Variants in MINPP1 observed in about 807,000 individuals in gnomAD.
The protein encoded by MINPP1 is multiple inositol polyphosphate phosphatase 1.
A neutral mutation model predicts 46.1 loss-of-function variants in MINPP1; 28 were observed. The observed-to-expected ratio is 0.61, with a 90% CI of 0.45 to 0.83. The LOEUF (loss-of-function observed/expected upper bound fraction) is 0.83. Among genes scored for constraint, MINPP1 ranks in the 40% least tolerant of loss-of-function variants. The pLI is 0.00. For synonymous variants in MINPP1, 268 were observed against 249.1 expected, an observed-to-expected ratio of 1.08 and a Z score of -0.72; for missense variants, 603 against 610.0, an observed-to-expected ratio of 0.99 and a Z score of 0.12.
At chr10:87,525,266 G>T (rs1270985981) in intron 4 of MINPP1, among the ~76,000 whole-genome samples, 1 of 152,156 alleles carries the variant, frequency 6.6e-6, no homozygotes, top group Non-Finnish European at 1.5e-5. Flanking sequence ...TCTATATGCT[G>T]TGCCTTAGCA....
chr10:87,534,651 C>A (rs11202434), intron 4 of MINPP1, among the ~76,000 whole-genome samples: 17,087 of 152,030 alleles, frequency 0.11, 2,042 homozygotes, highest in East Asian at 0.31. Flanking sequence ...TCTGTGCTGA[C>A]CCCAACAGTA....
chr10:87,546,235 A>C (rs540242780), intron 4 of MINPP1, among the ~76,000 whole-genome samples: 1 of 152,266 alleles, frequency 6.6e-6, no homozygotes, highest in East Asian at 1.9e-4. Context: ...CAGGACCAAG[A>C]GTTCCTTCCC....
rs566716651 is a variant in MINPP1, at chr10:87,506,625, T to G, written c.637+1073T>G. 2.0e-5 allele frequency among the ~76,000 whole-genome samples: 3 copies of G among 152,312 alleles called. No individual in the cohort carries two copies. The East Asian group carries it at 5.8e-4, about 29-fold the overall frequency. ...TAGCCATTATGCTATACTGCCTCCA[T>G]TTGTCCAATAACATACCTAATAAGA... On this transcript the variant is annotated intron_variant, in intron 1 of 4. Coordinates refer to ENST00000371996, the MANE Select transcript of MINPP1 (RefSeq NM_004897.5).
At position 87,508,389 on chromosome 10, in the gene MINPP1, C is replaced by T; in HGVS notation, c.691C>T (p.His231Tyr). 6.2e-7 allele frequency: 1 copy of T among 1,612,768 alleles called. No homozygotes were observed. The highest frequency in any genetic ancestry group is 8.5e-7 in the Non-Finnish European group (1 of 1,179,652). The change falls in exon 2 of 5, where the codon CAC becomes TAC. Residue 231 changes from histidine to tyrosine, a missense_variant. By Grantham distance (83) the His-to-Tyr change is moderately conservative. Coordinates refer to ENST00000371996, the MANE Select transcript of MINPP1 (RefSeq NM_004897.5). ...TGATAAACTAATGAGATTTTTTGATCACTGTGAGAAGTTTTTAACTGAAGT... is the reference window on the plus strand; with the variant it reads ...TGATAAACTAATGAGATTTTTTGATTACTGTGAGAAGTTTTTAACTGAAGT... ...VNDKLMRFFD[H>Y]CEKFLTEVEK...
chr10:87,542,072 A>T (rs1431472074), intron 4 of MINPP1, among the ~76,000 whole-genome samples: 1 of 152,168 alleles, frequency 6.6e-6, no homozygotes, highest in Non-Finnish European at 1.5e-5. Flanking sequence ...GCATTAACTC[A>T]AAAGTCCCAA....
At chr10:87,526,115 C>G (rs1409755935) in intron 4 of MINPP1, among the ~76,000 whole-genome samples, 1 of 152,182 alleles carries the variant, frequency 6.6e-6, no homozygotes, top group Non-Finnish European at 1.5e-5. Context: ...GTTCTAGATC[C>G]TTGAGGAATC....
chr10:87,520,057 A>AGTGTATGTGTGT (rs1851477204), intron 3 of MINPP1, among the ~76,000 whole-genome samples: 1 of 147,364 alleles, frequency 6.8e-6, no homozygotes, highest in African/African-American at 2.5e-5. Flanking sequence ...TAAAAGGTAT[A>AGTGTATGTGTGT]GTGTGTGTGT....
At chr10:87,520,831 C>T (rs1364816958) in intron 3 of MINPP1, among the ~76,000 whole-genome samples, 1 of 152,008 alleles carries the variant, frequency 6.6e-6, no homozygotes, top group African/African-American at 2.4e-5. Flanking sequence ...CTACATTCCC[C>T]CAATCCAAAT....
At chr10:87,521,506 A>G (rs963187085) in intron 4 of MINPP1, among the ~76,000 whole-genome samples, 3 of 152,134 alleles carry the variant, frequency 2.0e-5, no homozygotes, top group Non-Finnish European at 4.4e-5. Flanking sequence ...TCTTTAAAAC[A>G]GTTTATATTA....
Position 87,552,610 on chromosome 10 carries a change from A to C in MINPP1, c.*132A>C. On this transcript the variant is annotated 3_prime_UTR_variant, in exon 5 of 5. Coordinates refer to ENST00000371996, the MANE Select transcript of MINPP1 (RefSeq NM_004897.5). The stretch of plus-strand genomic sequence containing the variant: ...TATTTCTGTCTTTTCACAGAAAAAC[A>C]TTGGGTTTCTCTCTGGGTTTGGACA... The C allele has an allele frequency of 1.1e-6, 1 of 935,850 alleles. No homozygotes were observed. The highest frequency in any genetic ancestry group is 1.6e-6 in the Non-Finnish European group (1 of 615,264). The allele number at this position is 935,850 out of a possible 1,614,324, so 58.0% of individuals were successfully genotyped here. A position where few individuals can be genotyped will look rare whatever the true frequency, so the allele number is the denominator to read the frequency against.
intron 4 of MINPP1, 131 bp downstream of exon 4, chr10:87,521,300 C>T: frequency 1.5e-6 from 1 of 667,474 alleles, no homozygotes; most frequent in East Asian, 2.9e-5. Flanking sequence ...TAATGTGATA[C>T]AAAAGAATTC....
Position 87,522,584 on chromosome 10 carries a change from A to G in MINPP1, c.1067+1415A>G, listed in dbSNP as rs534605187. ...ATAGCATTTTGTCTTAAAAAACAAT[A>G]CATACATACCTTAATTTAAAAATGC... is the stretch of plus-strand genomic sequence containing the variant. On this transcript the variant is annotated intron_variant, in intron 4 of 4. Coordinates refer to ENST00000371996, the MANE Select transcript of MINPP1 (RefSeq NM_004897.5). 2.0e-4 allele frequency among the ~76,000 whole-genome samples: 31 copies of G among 152,304 alleles called. No individual in the cohort carries two copies. In the South Asian group the frequency reaches 5.8e-3, roughly 29 times the overall value.
intron 1 of MINPP1, 81 bp from the exon 2 acceptor site, chr10:87,508,255 C>T (rs756541569): frequency 6.4e-6 from 10 of 1,572,490 alleles, no homozygotes; most frequent in Non-Finnish European, 7.8e-6. Context: ...GTTCCTTTTT[C>T]ACACTTAACA....
At position 87,513,232 on chromosome 10, in the gene MINPP1, T is replaced by C; in HGVS notation, c.933+11T>C. ...ATAGATGATGCAAAGGTAAGTATTA[T>C]TTTTGCAGTTTCTTTGCTTTTTTAA... On this transcript the variant is annotated intron_variant, in intron 3 of 4. Transcript: ENST00000371996. 1 of 1,600,382 alleles carries C rather than the reference T, an allele frequency of 6.2e-7. No homozygotes were observed. The highest frequency in any genetic ancestry group is 8.6e-7 in the Non-Finnish European group (1 of 1,168,460).
intron 4 of MINPP1, among the ~76,000 whole-genome samples, chr10:87,530,651 A>G (rs528078230): frequency 2.0e-5 from 3 of 152,298 alleles, no homozygotes; most frequent in Non-Finnish European, 4.4e-5. Context: ...TTGGGGGTCA[A>G]GGACCCTCTT....
At chr10:87,508,225 C>T (rs570310864) in intron 1 of MINPP1, 111 bp from the exon 2 acceptor site, 12 of 1,553,556 alleles carry the variant, frequency 7.7e-6, no homozygotes, top group South Asian at 2.4e-5. Context: ...TTCAGCTGTG[C>T]GGATTAGTAA....
At chr10:87,512,039 A>T (rs143174925) in intron 2 of MINPP1, among the ~76,000 whole-genome samples, 405 of 152,256 alleles carry the variant, frequency 2.7e-3, no homozygotes, top group African/African-American at 9.5e-3. Context: ...ATTTTCCTTT[A>T]GGAAAACAGG....
At chr10:87,542,904 A>G (rs1851836508) in intron 4 of MINPP1, among the ~76,000 whole-genome samples, 1 of 152,242 alleles carries the variant, frequency 6.6e-6, no homozygotes, top group Non-Finnish European at 1.5e-5. Flanking sequence ...AACTGGGTAA[A>G]AGGCAAAGGC....
intron 2 of MINPP1, chr10:87,509,651 C>A: frequency 4.0e-6 from 1 of 248,608 alleles, no homozygotes. Flanking sequence ...TAATTGTTGT[C>A]ATGAATTGAG....
Sources: gnomAD v4.1 joint callset for allele counts (sites outside exome capture counted in the v4.1 genomes callset) on GRCh38, gnomAD v4.1.1 for gene constraint, MANE v1.5 for transcripts, NCBI Gene and HGNC (gene_info 2026-07-23, HGNC 2026-07-21) for gene names.